TMEM176B: variants seen among roughly 807,000 people sequenced by gnomAD.
The protein encoded by TMEM176B is LR8-like protein.
In TMEM176B, 28 loss-of-function variants were observed where a neutral mutation model predicts 30.3. The observed-to-expected ratio is 0.92, with a 90% CI of 0.68 to 1.27. TMEM176B has a LOEUF of 1.27. TMEM176B is among the 50% of genes most tolerant of loss of function. The pLI is 0.00. For synonymous variants in TMEM176B, 123 were observed against 130.3 expected, an observed-to-expected ratio of 0.94 and a Z score of 0.38; for missense variants, 349 against 327.4, an observed-to-expected ratio of 1.07 and a Z score of -0.51.
In TMEM176B at chr7:150,793,981, C is replaced by T; in HGVS notation, c.295G>A (p.Ala99Thr). Residue 99 changes from alanine (A) to threonine (T), a missense_variant, in exon 3 of 7, where the codon GCC (alanine) becomes ACC (threonine). Transcript: ENST00000326442. ...PWTVLSASGC[A>T]FWAGSVVIAA... ...CTCACCACAGACCCCGCCCAGAAGG[C>T]ACAGCCTGAGGCACTCAGCACAGTC... The T allele has an allele frequency of 1.2e-6, 2 of 1,611,404 alleles. No individual in the cohort carries two copies. Among genetic ancestry groups the T allele is most frequent in the Non-Finnish European group, 1.7e-6 (2 of 1,178,914 alleles).
At chr7:150,792,988 C>T (rs945227424) in intron 5 of TMEM176B, 100 bp downstream of exon 5, 2 of 1,166,608 alleles carry the variant, frequency 1.7e-6, no homozygotes, top group Non-Finnish European at 1.3e-6. Context: ...AGCATGAAGT[C>T]CAAGCTCAAA....
At position 150,796,588 on chromosome 7, in the gene TMEM176B, G is replaced by A. The variant is rs577085488; in HGVS notation, c.-5-14C>T. Reference sequence around the variant, plus strand: ...GCGTCATCCTGCCTGCCAGGGAGAAGACATATAGCAGTGAGGTCTGGGAAC... The same window carrying A: ...GCGTCATCCTGCCTGCCAGGGAGAAAACATATAGCAGTGAGGTCTGGGAAC... On this transcript the variant is annotated splice_polypyrimidine_tract_variant and intron_variant, in intron 1 of 6. Transcript: ENST00000326442. 5 of 1,612,916 alleles carry A rather than the reference G, an allele frequency of 3.1e-6. No homozygotes were observed. In the African/African-American group the frequency reaches 5.3e-5, roughly 17 times the overall value.
At chr7:150,796,989 A>C (rs1189057601) in intron 1 of TMEM176B, among the ~76,000 whole-genome samples, 3 of 152,064 alleles carry the variant, frequency 2.0e-5, no homozygotes, top group Admixed American at 2.0e-4. Flanking sequence ...ACAAACAAAA[A>C]ACAGTGTCTT....
At chr7:150,801,129 CA>C, upstream of TMEM176B, 1 of 316,850 alleles carries the variant, frequency 3.2e-6, no homozygotes, top group Non-Finnish European at 4.6e-6. Context: ...CAGCTGCTGG[CA>C]CAGGAGCTCC....
At chr7:150,793,888 C>T in intron 3 of TMEM176B, 73 bp downstream of exon 3, 2 of 1,358,628 alleles carry the variant, frequency 1.5e-6, no homozygotes, top group Non-Finnish European at 2.0e-6. Flanking sequence ...AAAGCCCCAA[C>T]CAAGATCCAT....
Position 150,796,416 on chromosome 7 carries a change from C to A in TMEM176B, c.154G>T (p.Asp52Tyr). 6.2e-7 allele frequency: 1 copy of A among 1,614,172 alleles called. No homozygotes were observed. Among genetic ancestry groups the A allele is most frequent in the Non-Finnish European group, 8.5e-7 (1 of 1,180,028 alleles). The part of the protein sequence containing the change: ...SLKKFLFHPG[D>Y]TVPSTARIGY... Reference sequence around the variant, plus strand: ...ATCCTGGCTGTGGAAGGCACAGTGTCCCCAGGGTGAAAAAGAAACTTCTTC... The same window carrying A: ...ATCCTGGCTGTGGAAGGCACAGTGTACCCAGGGTGAAAAAGAAACTTCTTC... Residue 52 changes from aspartate (D) to tyrosine (Y), a missense_variant, in exon 2 of 7, where the codon GAC becomes TAC. Coordinates refer to ENST00000326442, the MANE Select transcript of TMEM176B (RefSeq NM_001101312.2).
Position 150,793,968 on chromosome 7 carries a change from C to T in TMEM176B, c.308G>A (p.Gly103Glu), listed in dbSNP as rs1308135506. Residue 103 changes from glycine (G) to glutamate (E), a missense_variant, in exon 3 of 7, where the codon GGG becomes GAG. Coordinates refer to ENST00000326442, the MANE Select transcript of TMEM176B (RefSeq NM_001101312.2). ...LSASGCAFWA[G>E]SVVIAAGAGA... Reference sequence around the variant, plus strand: ...AGCCTGTTCCTTACTCACCACAGACCCCGCCCAGAAGGCACAGCCTGAGGC... The same window carrying T: ...AGCCTGTTCCTTACTCACCACAGACTCCGCCCAGAAGGCACAGCCTGAGGC... 6.2e-7 allele frequency: 1 copy of T among 1,605,700 alleles called. No individual in the cohort carries two copies. Among genetic ancestry groups the T allele is most frequent in the Non-Finnish European group, 8.5e-7 (1 of 1,176,272 alleles).
intron 1 of TMEM176B, among the ~76,000 whole-genome samples, chr7:150,799,110 G>A (rs1403250246): frequency 2.0e-5 from 3 of 152,156 alleles, no homozygotes; most frequent in Non-Finnish European, 4.4e-5. Context: ...TTGGGAGCTG[G>A]GTGACCAACC....
upstream of TMEM176B, chr7:150,800,942 C>T (rs905483836): frequency 2.3e-5 from 23 of 985,730 alleles, no homozygotes; most frequent in Non-Finnish European, 2.8e-5. Context: ...GATGACACTC[C>T]AGGAAGGGGA....
At chr7:150,792,264 A>C in intron 5 of TMEM176B, 89 bp from the exon 6 acceptor site, 1 of 1,538,630 alleles carries the variant, frequency 6.5e-7, no homozygotes, top group Non-Finnish European at 8.8e-7. Flanking sequence ...CCAGGCACTG[A>C]CTCTATCCAG....
chr7:150,793,060 C>A (rs1323622508), intron 5 of TMEM176B, 28 bp downstream of exon 5: 1 of 1,609,986 alleles, frequency 6.2e-7, no homozygotes, highest in Non-Finnish European at 8.5e-7. Context: ...TGTGATGGGT[C>A]CCCGAAGACT....
chr7:150,793,660 C>T (rs898637772), intron 3 of TMEM176B, 60 bp from the exon 4 acceptor site: 6 of 1,567,176 alleles, frequency 3.8e-6, no homozygotes, highest in Non-Finnish European at 5.2e-6. Flanking sequence ...TCTATCATCA[C>T]CCTCCCACCA....
chr7:150,796,491 T>A lies in TMEM176B; in HGVS notation c.79A>T (p.Ile27Phe). 1 of 1,614,186 alleles carries A rather than the reference T, an allele frequency of 6.2e-7. No homozygotes were observed. Residue 27 changes from isoleucine (I) to phenylalanine (F), a missense_variant, in exon 2 of 7, where the codon ATC (isoleucine) becomes TTC (phenylalanine). Ile to Phe is a conservative substitution (Grantham distance 21). Transcript: ENST00000326442. Reference protein sequence around the residue: ...PSQPTHVNVHIHQESALTQLL... With the variant: ...PSQPTHVNVHFHQESALTQLL... ...TGTGTCAAAGCTGACTCCTGGTGGATGTGGACGTTGACGTGGGTGGGCTGG... is the reference window on the plus strand; with the variant it reads ...TGTGTCAAAGCTGACTCCTGGTGGAAGTGGACGTTGACGTGGGTGGGCTGG...
In TMEM176B at chr7:150,791,417, A is replaced by G; in HGVS notation, c.*114T>C. 1.3e-6 allele frequency: 1 copy of G among 751,926 alleles called. No individual in the cohort carries two copies. The highest frequency in any genetic ancestry group is 2.6e-5 in the Admixed American group (1 of 39,146). 46.6% of individuals were successfully genotyped at this position (751,926 alleles called of 1,614,324 possible). A position where few individuals can be genotyped will look rare whatever the true frequency, so the allele number is the denominator to read the frequency against. On this transcript the variant is annotated 3_prime_UTR_variant, in exon 7 of 7. Transcript: ENST00000326442. ...GCAGGTGCGGATGTGGGGAGAAGAA[A>G]GGAGGAGGGTCTGGAGAGCGGCCAT...
intron 5 of TMEM176B, 65 bp downstream of exon 5, chr7:150,793,023 G>T (rs1798373677): frequency 6.6e-7 from 1 of 1,519,010 alleles, no homozygotes; most frequent in Non-Finnish European, 9.1e-7. Flanking sequence ...GTCCTCCAGG[G>T]CCCCCAGCTC....
Position 150,791,971 on chromosome 7 carries a change from G to A in TMEM176B, c.720+85C>T. ...GCACCAGGCCCAGCCTCAGGTTCGG[G>A]TGCCCCTGGCCCCGCACTCCTACCT... is the stretch of plus-strand genomic sequence containing the variant. On this transcript the variant is annotated intron_variant, in intron 6 of 6. Coordinates refer to ENST00000326442, the MANE Select transcript of TMEM176B (RefSeq NM_001101312.2). The A allele has an allele frequency of 7.0e-6, 11 of 1,581,100 alleles. No individual in the cohort carries two copies. The South Asian group carries it at 1.2e-4, about 18-fold the overall frequency.
intron 2 of TMEM176B, among the ~76,000 whole-genome samples, chr7:150,794,713 A>G (rs747647406): frequency 6.6e-6 from 1 of 151,878 alleles, no homozygotes; most frequent in Admixed American, 6.6e-5. Context: ...CAGAGTCTGC[A>G]TTGCAGCCTG....
At chr7:150,792,449 G>C (rs1798352086) in intron 5 of TMEM176B, among the ~76,000 whole-genome samples, 1 of 152,212 alleles carries the variant, frequency 6.6e-6, no homozygotes, top group African/African-American at 2.4e-5. Context: ...ACTATACAGT[G>C]ACAGGGAAGC....
chr7:150,798,765 A>G (rs973230014), intron 1 of TMEM176B, among the ~76,000 whole-genome samples: 1 of 151,790 alleles, frequency 6.6e-6, no homozygotes, highest in African/African-American at 2.4e-5. Flanking sequence ...GTTCAGGGCC[A>G]TTTTTATTTC....
Sources: gnomAD v4.1 joint callset for allele counts (sites outside exome capture counted in the v4.1 genomes callset) on GRCh38, gnomAD v4.1.1 for gene constraint, MANE v1.5 for transcripts, NCBI Gene and HGNC (gene_info 2026-07-23, HGNC 2026-07-21) for gene names.